The following ACOX3 variants were observed in gnomAD, a reference collection of about 807,000 sequenced individuals.
ACOX3 encodes peroxisomal acyl-coenzyme A oxidase 3.
In ACOX3, 73 loss-of-function variants were observed where a neutral mutation model predicts 81.5. That is an observed-to-expected ratio of 0.90 (90% CI 0.74 to 1.09). The LOEUF is 1.09. Among genes scored for constraint, ACOX3 ranks in the 50% least tolerant of loss-of-function variants. The pLI, the probability that ACOX3 is intolerant of heterozygous loss-of-function variation, is 0.00. For synonymous variants in ACOX3, 387 were observed against 375.1 expected (o/e 1.03, Z -0.37); for missense variants, 947 against 928.0 (o/e 1.02, Z -0.27).
rs1424259476 is a variant in ACOX3 at position 8,394,209 on chromosome 4, A to G, written c.1179+411T>C. 6.6e-6 allele frequency among the ~76,000 whole-genome samples: 1 copy of G among 152,156 alleles called. No homozygotes were observed. Among genetic ancestry groups the G allele is most frequent in the East Asian group, 1.9e-4 (1 of 5,194 alleles). On this transcript the variant is annotated intron_variant, in intron 10 of 17. Transcript: ENST00000356406. The surrounding 1 kb of genome is among the most constrained non-coding windows in gnomAD (Gnocchi z 5.9). ...TGCCGAGGCTGATCTCGGGATTTGC[A>G]CGCTCGTTTCTGGCACAAATCCTCT...
Position 8,382,162 on chromosome 4 carries a change from C to T in ACOX3, c.1538-555G>A, listed in dbSNP as rs148939915. On this transcript the variant is annotated intron_variant, in intron 13 of 17. Transcript: ENST00000356406. This position sits in a 1 kb window ranked among gnomAD's most constrained non-coding sequence, Gnocchi z 4.1. ...GGGGAACCTAAGGCCTCACCCCCTG[C>T]GTGGCCCCTTCCACAAAGCTCAAAA... Among the ~76,000 whole-genome samples, 15 of 152,344 alleles carry T rather than the reference C, an allele frequency of 9.8e-5. No individual in the cohort carries two copies. Among genetic ancestry groups the T allele is most frequent in the South Asian group, 4.1e-4 (2 of 4,826 alleles).
chr4:8,375,877 G>A (rs1716906178), intron 14 of ACOX3, among the ~76,000 whole-genome samples: 1 of 152,206 alleles, frequency 6.6e-6, no homozygotes, highest in Admixed American at 6.5e-5. Context: ...GGTATCCCAT[G>A]GTGTCTATGT....
rs1431473041 is a variant in ACOX3, at chr4:8,406,450, G to A, written c.688-407C>T. Among the ~76,000 whole-genome samples, 1 of 152,218 alleles carries A rather than the reference G, an allele frequency of 6.6e-6. No individual in the cohort carries two copies. The highest frequency in any genetic ancestry group is 2.4e-5 in the African/African-American group (1 of 41,460). ...CAGTGGGTTTCTCCCCGTGTGTGGA[G>A]ACAAGAGAGCATAGAGATAAAGACA... On this transcript the variant is annotated intron_variant, in intron 6 of 17. Coordinates refer to ENST00000356406, the MANE Select transcript of ACOX3 (RefSeq NM_003501.3). The surrounding 1 kb of genome is among the most constrained non-coding windows in gnomAD (Gnocchi z 5.6).
intron 3 of ACOX3, among the ~76,000 whole-genome samples, chr4:8,415,297 T>A (rs1722198138): frequency 6.6e-6 from 1 of 152,138 alleles, no homozygotes; most frequent in Admixed American, 6.5e-5. Flanking sequence ...CACCAGCCCA[T>A]CAAACAATGC....
chr4:8,402,381 G>A (rs573602067), intron 7 of ACOX3, among the ~76,000 whole-genome samples: 16 of 152,268 alleles, frequency 1.1e-4, no homozygotes, highest in African/African-American at 3.1e-4. Context: ...TGCCACAGCC[G>A]CACACTCAGA....
Position 8,389,106 on chromosome 4 carries a change from G to T in ACOX3, c.1537+67C>A. ...GCCAAGGGTCCCCTCACCGAGGCAC[G>T]GTGCGTTTCCTGGTGGGAATGACAG... On this transcript the variant is annotated intron_variant, in intron 13 of 17. Coordinates refer to ENST00000356406, the MANE Select transcript of ACOX3 (RefSeq NM_003501.3). The surrounding 1 kb of genome is among the most constrained non-coding windows in gnomAD (Gnocchi z 5.3). 2.2e-6 allele frequency: 3 copies of T among 1,368,968 alleles called. No individual in the cohort carries two copies. Among genetic ancestry groups the T allele is most frequent in the Non-Finnish European group, 3.1e-6 (3 of 968,928 alleles). 84.8% of individuals were successfully genotyped at this position (1,368,968 alleles called of 1,614,324 possible). A position where few individuals can be genotyped will look rare whatever the true frequency, so the allele number is the denominator to read the frequency against.
chr4:8,371,875 T>G (rs747584), intron 16 of ACOX3, among the ~76,000 whole-genome samples: 83,731 of 152,184 alleles, frequency 0.55, 23,248 homozygotes, highest in Middle Eastern at 0.65. Context: ...CCACGGTCTC[T>G]GGCAACTGCC....
At chr4:8,359,961 A>T in the ACOX3 span, among the ~76,000 whole-genome samples, 7 of 152,220 alleles carry the variant, frequency 4.6e-5, no homozygotes, top group African/African-American at 1.7e-4. This position sits in a 1 kb window ranked among gnomAD's most constrained non-coding sequence, Gnocchi z 6.0. Context: ...AAAGAGGAGT[A>T]CCTTAGGATA....
intron 14 of ACOX3, among the ~76,000 whole-genome samples, chr4:8,379,790 TTTC>T: frequency 6.6e-6 from 1 of 152,322 alleles, no homozygotes; most frequent in East Asian, 1.9e-4. Context: ...AAAAAAATGT[TTTC>T]TTTCTTTTCT....
chr4:8,409,166 T>C (rs1721396720), intron 6 of ACOX3, among the ~76,000 whole-genome samples: 1 of 152,278 alleles, frequency 6.6e-6, no homozygotes, highest in East Asian at 1.9e-4. Context: ...AATAAGAACA[T>C]GAGCAACAAA....
intron 9 of ACOX3, 135 bp downstream of exon 9, chr4:8,396,802 C>A: frequency 9.6e-7 from 1 of 1,045,170 alleles, no homozygotes. Flanking sequence ...ATGCCGCACT[C>A]CCGCTAACTA....
At chr4:8,428,395 G>C (rs1354331488) in intron 1 of ACOX3, 2 of 152,786 alleles carry the variant, frequency 1.3e-5, no homozygotes, top group African/African-American at 4.8e-5. Flanking sequence ...GACCGACTCG[G>C]AGTACTGGGA....
At chr4:8,408,973 G>A (rs906632721) in intron 6 of ACOX3, among the ~76,000 whole-genome samples, 11 of 144,246 alleles carry the variant, frequency 7.6e-5, no homozygotes, top group Non-Finnish European at 1.3e-4. Context: ...TAAATTAGAG[G>A]ACGCCCAGCT....
chr4:8,384,453 T>A lies in ACOX3; in HGVS notation c.1538-2846A>T, dbSNP rs1213580532. ...ACTGACGGGCAGTGAATTCTCTTGC[T>A]CGGAATGCGGCTGCTGGCGGCCTGA... On this transcript the variant is annotated intron_variant, in intron 13 of 17. Coordinates refer to ENST00000356406, the MANE Select transcript of ACOX3 (RefSeq NM_003501.3). The surrounding 1 kb of genome is among the most constrained non-coding windows in gnomAD (Gnocchi z 5.3). 6.6e-6 allele frequency among the ~76,000 whole-genome samples: 1 copy of A among 152,182 alleles called. No homozygotes were observed. The highest frequency in any genetic ancestry group is 1.5e-5 in the Non-Finnish European group (1 of 68,036).
chr4:8,393,637 G>GCGCACA (rs1480952781), intron 10 of ACOX3, among the ~76,000 whole-genome samples: 1 of 144,512 alleles, frequency 6.9e-6, no homozygotes, highest in African/African-American at 2.5e-5. Flanking sequence ...ACACACACAC[G>GCGCACA]CACACACACA....
Position 8,399,803 on chromosome 4 carries a change from T to G in ACOX3, c.777-151A>C. 1 of 669,206 alleles carries G rather than the reference T, an allele frequency of 1.5e-6. No homozygotes were observed. Among genetic ancestry groups the G allele is most frequent in the South Asian group, 1.9e-5 (1 of 52,430 alleles). 41.5% of individuals were successfully genotyped at this position (669,206 alleles called of 1,614,324 possible). A position where few individuals can be genotyped will look rare whatever the true frequency, so the allele number is the denominator to read the frequency against. On this transcript the variant is annotated intron_variant, in intron 7 of 17. Coordinates refer to ENST00000356406, the MANE Select transcript of ACOX3 (RefSeq NM_003501.3). This position sits in a 1 kb window ranked among gnomAD's most constrained non-coding sequence, Gnocchi z 4.9. ...CAGGAACATTCAACCAACTTTCTAT[T>G]CAAAAAAGTAGTCTAGTCAGGAACA...
At chr4:8,357,354 C>G in the ACOX3 span, 1 of 426,324 alleles carries the variant, frequency 2.3e-6, no homozygotes, top group Non-Finnish European at 4.8e-6. Flanking sequence ...GGTGCAGGAA[C>G]ACTGGCATGA....
In ACOX3 at chr4:8,424,165, T is replaced by C. The variant is rs111804945; in HGVS notation, c.-14-7630A>G. Among the ~76,000 whole-genome samples, 1,388 of 152,326 alleles carry C rather than the reference T, an allele frequency of 9.1e-3. 22 individuals are homozygous for C. Among genetic ancestry groups the C allele is most frequent in the Non-Finnish European group, 0.015 (1,041 of 68,034 alleles). ...CAAAACCATAAAGCAATTAAGAGGG[T>C]TCCTTGGCATAACAGGCTTCTGCCG... is the stretch of plus-strand genomic sequence containing the variant. On this transcript the variant is annotated intron_variant, in intron 1 of 17. Transcript: ENST00000356406.
intron 14 of ACOX3, among the ~76,000 whole-genome samples, chr4:8,375,361 G>C (rs1178983404): frequency 6.6e-6 from 1 of 152,218 alleles, no homozygotes; most frequent in Non-Finnish European, 1.5e-5. Flanking sequence ...AGATGGAGCT[G>C]GGACTGCTCT....
Sources: gnomAD v4.1 joint callset for allele counts (sites outside exome capture counted in the v4.1 genomes callset) on GRCh38, gnomAD v4.1.1 for gene constraint, Gnocchi (gnomAD v3.1) non-coding constraint, MANE v1.5 for transcripts, NCBI Gene and HGNC (gene_info 2026-07-23, HGNC 2026-07-21) for gene names.